PTPRM: variants seen among roughly 807,000 people sequenced by gnomAD.
The protein encoded by PTPRM is receptor-type tyrosine-protein phosphatase mu.
Under a neutral mutation model 186.7 loss-of-function variants are expected in PTPRM, and 47 were observed. The ratio of observed to expected loss-of-function variants is 0.25; its 90% CI spans 0.20 to 0.32. The LOEUF is 0.32. Ranked by LOEUF, PTPRM falls within the 10% of genes least tolerant of loss-of-function variation. The probability of loss-of-function intolerance (pLI) is 1.00; values close to 1 mark genes in which losing one functional copy is unlikely to be tolerated. For synonymous variants in PTPRM, 668 were observed against 674.9 expected (o/e 0.99, Z 0.16); for missense variants, 1,494 against 1,865.0 (o/e 0.80, Z 3.66).
intron 1 of PTPRM, among the ~76,000 whole-genome samples, chr18:7,728,442 G>A (rs1006994442): frequency 6.6e-6 from 1 of 150,674 alleles, no homozygotes; most frequent in Non-Finnish European, 1.5e-5. Flanking sequence ...AGGAGCTGAA[G>A]AGGCTACGCT....
At chr18:7,875,576 G>A (rs558831002) in intron 2 of PTPRM, among the ~76,000 whole-genome samples, 108 of 152,090 alleles carry the variant, frequency 7.1e-4, no homozygotes, top group African/African-American at 2.5e-3. Context: ...TGCCTGCCTC[G>A]ACTTCCCAAA....
At chr18:7,926,790 CCTT>C in intron 5 of PTPRM, 107 bp downstream of exon 5, 1 of 659,122 alleles carries the variant, frequency 1.5e-6, no homozygotes, top group Non-Finnish European at 2.4e-6. Flanking sequence ...GTAAGAGTTT[CCTT>C]CTTTGTTAAT....
intron 19 of PTPRM, among the ~76,000 whole-genome samples, chr18:8,258,740 C>T (rs1381793000): frequency 6.6e-6 from 1 of 152,000 alleles, no homozygotes; most frequent in Non-Finnish European, 1.5e-5. Flanking sequence ...GAGAGGATGT[C>T]CTGAAAAACA....
At chr18:7,748,056 A>G (rs1277981060) in intron 1 of PTPRM, among the ~76,000 whole-genome samples, 1 of 152,086 alleles carries the variant, frequency 6.6e-6, no homozygotes, top group Non-Finnish European at 1.5e-5. Context: ...GTATGATTTT[A>G]TTTGGGTACG....
intron 1 of PTPRM, among the ~76,000 whole-genome samples, chr18:7,762,563 T>C (rs1405887571): frequency 4.6e-5 from 7 of 152,142 alleles, no homozygotes; most frequent in Non-Finnish European, 4.4e-5. Context: ...AATAAAGGGC[T>C]GATGAATAGT....
At chr18:7,966,077 A>C (rs574661795) in intron 7 of PTPRM, among the ~76,000 whole-genome samples, 20 of 152,354 alleles carry the variant, frequency 1.3e-4, no homozygotes, top group African/African-American at 4.6e-4. Context: ...TCCTTTGTGT[A>C]ACACTTTTAT....
At chr18:7,621,034 A>G (rs915329968) in intron 1 of PTPRM, among the ~76,000 whole-genome samples, 2 of 152,174 alleles carry the variant, frequency 1.3e-5, no homozygotes, top group Non-Finnish European at 2.9e-5. Context: ...AAATAAATAA[A>G]TAAATAAACA....
intron 1 of PTPRM, among the ~76,000 whole-genome samples, chr18:7,678,201 G>A (rs767118779): frequency 6.6e-6 from 1 of 152,154 alleles, no homozygotes; most frequent in Non-Finnish European, 1.5e-5. Context: ...CCACAAAGGG[G>A]TTGCCTTGAG....
intron 1 of PTPRM, among the ~76,000 whole-genome samples, chr18:7,638,538 G>A (rs921643019): frequency 6.6e-6 from 1 of 152,138 alleles, no homozygotes. Context: ...TCCACATTTT[G>A]TGTCTGCCCT....
At chr18:7,728,950 G>T (rs2040602279) in intron 1 of PTPRM, among the ~76,000 whole-genome samples, 1 of 140,908 alleles carries the variant, frequency 7.1e-6, no homozygotes, top group African/African-American at 2.7e-5. Context: ...TTGAGATGCA[G>T]TTTCTCTCTA....
intron 13 of PTPRM, among the ~76,000 whole-genome samples, chr18:8,116,804 C>T (rs150721678): frequency 3.9e-5 from 6 of 152,224 alleles, no homozygotes; most frequent in Non-Finnish European, 8.8e-5. Context: ...TTCAATTCAC[C>T]AAAGGATGAT....
chr18:7,768,281 G>C (rs1410050822), intron 1 of PTPRM, among the ~76,000 whole-genome samples: 3 of 152,106 alleles, frequency 2.0e-5, no homozygotes, highest in African/African-American at 7.2e-5. Context: ...AGGATCACTT[G>C]AACTCAGGAG....
chr18:8,334,832 G>T (rs1240351033), intron 22 of PTPRM, among the ~76,000 whole-genome samples: 1 of 152,036 alleles, frequency 6.6e-6, no homozygotes, highest in Non-Finnish European at 1.5e-5. Flanking sequence ...TTTGGACTTG[G>T]CTTTGGATAG....
chr18:8,296,519 C>A, intron 20 of PTPRM, 64 bp downstream of exon 20: 1 of 1,217,252 alleles, frequency 8.2e-7, no homozygotes, highest in South Asian at 1.2e-5. Flanking sequence ...TAAGATTGAC[C>A]ACCAGGCTCA....
At chr18:7,574,165 C>A (rs1009719903) in intron 1 of PTPRM, among the ~76,000 whole-genome samples, 4 of 152,184 alleles carry the variant, frequency 2.6e-5, no homozygotes, top group Admixed American at 6.5e-5. Flanking sequence ...TCCATTCATT[C>A]ACTGCTTAGC....
intron 7 of PTPRM, among the ~76,000 whole-genome samples, chr18:7,962,166 C>G (rs964293422): frequency 2.0e-5 from 3 of 152,142 alleles, no homozygotes; most frequent in Non-Finnish European, 4.4e-5. Context: ...CGTACTGTTG[C>G]ACTTGAACAG....
rs1424578058 is a variant in PTPRM at position 8,237,224 on chromosome 18, T to G, written c.2301-6834T>G. On this transcript the variant is annotated intron_variant, in intron 14 of 32. Transcript: ENST00000580170. The stretch of plus-strand genomic sequence containing the variant: ...CTATAGCTATAATCATCAAATACTT[T>G]GTTGCTGTTATTATTTTGAACAAAC... 2.6e-5 allele frequency among the ~76,000 whole-genome samples: 4 copies of G among 152,298 alleles called. No individual in the cohort carries two copies. The East Asian group carries it at 7.7e-4, about 29-fold the overall frequency.
At chr18:8,346,345 G>A (rs991948426) in intron 23 of PTPRM, among the ~76,000 whole-genome samples, 1 of 152,216 alleles carries the variant, frequency 6.6e-6, no homozygotes, top group Non-Finnish European at 1.5e-5. Flanking sequence ...GCAGGATTCT[G>A]CTTCTGGTGC....
intron 19 of PTPRM, among the ~76,000 whole-genome samples, chr18:8,264,653 C>T (rs2094677738): frequency 6.6e-6 from 1 of 151,924 alleles, no homozygotes; most frequent in Non-Finnish European, 1.5e-5. Flanking sequence ...CCTGTAGTCC[C>T]AGCTACTCGG....
Sources: gnomAD v4.1 joint callset for allele counts (sites outside exome capture counted in the v4.1 genomes callset) on GRCh38, gnomAD v4.1.1 for gene constraint, MANE v1.5 for transcripts, NCBI Gene and HGNC (gene_info 2026-07-23, HGNC 2026-07-21) for gene names.